The following STAT4 variants were observed in gnomAD, a reference collection of about 807,000 sequenced individuals.
The protein encoded by STAT4 is signal transducer and activator of transcription 4.
A neutral mutation model predicts 110.5 loss-of-function variants in STAT4; 42 were observed. That is an observed-to-expected ratio of 0.38 (90% confidence interval 0.30 to 0.49). The LOEUF (loss-of-function observed/expected upper bound fraction) is 0.49. STAT4 is among the 20% of genes least tolerant of loss of function. STAT4 has a pLI of 0.95. For synonymous variants in STAT4, 284 were observed against 302.2 expected (o/e 0.94, Z 0.63); for missense variants, 632 against 887.9 (o/e 0.71, Z 3.66).
At position 191,135,448 on chromosome 2, in the gene STAT4, A is replaced by G. The variant is rs1418717122; in HGVS notation, c.273+11165T>C. 6.6e-6 allele frequency among the ~76,000 whole-genome samples: 1 copy of G among 151,852 alleles called. No homozygotes were observed. Among genetic ancestry groups the G allele is most frequent in the Admixed American group, 6.6e-5 (1 of 15,258 alleles). Reference sequence around the variant, plus strand: ...CCAGGACTGGATGACTTTACTGTCGAATTCTTTGTTGTTGTTGTTGTTATT... The same window carrying G: ...CCAGGACTGGATGACTTTACTGTCGGATTCTTTGTTGTTGTTGTTGTTATT... On this transcript the variant is annotated intron_variant, in intron 3 of 23. Transcript: ENST00000392320. The surrounding 1 kb of genome is among the most constrained non-coding windows in gnomAD (Gnocchi z 4.8).
chr2:191,054,481 A>G lies in STAT4; in HGVS notation c.1251+9T>C. The G allele has an allele frequency of 6.2e-7, 1 of 1,608,410 alleles. No homozygotes were observed. Among genetic ancestry groups the G allele is most frequent in the Non-Finnish European group, 8.5e-7 (1 of 1,178,292 alleles). ...CCAGAAAAATTCTATAGGAGAAAAC[A>G]TTTCCTACCTCATTTCCTTTACCTC... is the stretch of plus-strand genomic sequence containing the variant. On this transcript the variant is annotated intron_variant, in intron 14 of 23. Coordinates refer to ENST00000392320, the MANE Select transcript of STAT4 (RefSeq NM_003151.4).
At chr2:191,078,594 C>G (rs532468234) in intron 3 of STAT4, among the ~76,000 whole-genome samples, 1 of 152,200 alleles carries the variant, frequency 6.6e-6, no homozygotes, top group African/African-American at 2.4e-5. Context: ...CAAAGACATA[C>G]TCATATTTAC....
rs189268139 is a variant in STAT4, at chr2:191,116,523, C to A, written c.273+30090G>T. Among the ~76,000 whole-genome samples the A allele has an allele frequency of 6.7e-6, 1 of 150,330 alleles. No individual in the cohort carries two copies. The highest frequency in any genetic ancestry group is 2.1e-4 in the South Asian group (1 of 4,740). The stretch of plus-strand genomic sequence containing the variant: ...TTTACAATAAGTTAAAAGGAATAAC[C>A]TTATAGATTTAGAATTTTTTTAAAA... On this transcript the variant is annotated intron_variant, in intron 3 of 23. Transcript: ENST00000392320. The surrounding 1 kb of genome is among the most constrained non-coding windows in gnomAD (Gnocchi z 4.1).
chr2:191,061,617 TG>T lies in STAT4; in HGVS notation c.1034+111del. On this transcript the variant is annotated intron_variant, in intron 10 of 23. Transcript: ENST00000392320. The surrounding 1 kb of genome is among the most constrained non-coding windows in gnomAD (Gnocchi z 6.2). Reference sequence around the variant, plus strand: ...AGCTCAGAGCTGGGCACACAGCAGATGGTTCAATAAAGAACAGCTGAATGCA... The same window carrying T: ...AGCTCAGAGCTGGGCACACAGCAGATGTTCAATAAAGAACAGCTGAATGCA... 1.0e-6 allele frequency: 1 copy of T among 980,838 alleles called. No homozygotes were observed. The highest frequency in any genetic ancestry group is 1.6e-6 in the Non-Finnish European group (1 of 611,446). 60.8% of individuals were successfully genotyped at this position (980,838 alleles called of 1,614,324 possible). A position where few individuals can be genotyped will look rare whatever the true frequency, so the allele number is the denominator to read the frequency against.
upstream of STAT4, chr2:191,151,287 T>A (rs1574208587): frequency 2.0e-6 from 2 of 985,686 alleles, no homozygotes; most frequent in Admixed American, 1.2e-4. The surrounding 1 kb of genome is among the most constrained non-coding windows in gnomAD (Gnocchi z 4.7). Context: ...TACATTTTCT[T>A]CAGTGGTTTC....
intron 3 of STAT4, among the ~76,000 whole-genome samples, chr2:191,136,554 C>T (rs962477199): frequency 6.6e-6 from 1 of 152,206 alleles, no homozygotes; most frequent in African/African-American, 2.4e-5. Context: ...GAGTTCGAGA[C>T]CAGCCTGGTC....
intron 3 of STAT4, among the ~76,000 whole-genome samples, chr2:191,096,250 T>A (rs1237829162): frequency 6.6e-6 from 1 of 152,108 alleles, no homozygotes; most frequent in Non-Finnish European, 1.5e-5. Flanking sequence ...AGAGAGGGAA[T>A]CCTCCCTAAT....
chr2:191,134,669 G>C (rs1699130073), intron 3 of STAT4, among the ~76,000 whole-genome samples: 1 of 152,118 alleles, frequency 6.6e-6, no homozygotes, highest in East Asian at 1.9e-4. Flanking sequence ...ACCCAATCAA[G>C]ATCATAGGAC....
chr2:191,079,424 T>C (rs1049073771), intron 3 of STAT4, among the ~76,000 whole-genome samples: 30 of 152,050 alleles, frequency 2.0e-4, no homozygotes, highest in African/African-American at 6.8e-4. Flanking sequence ...GTAGATGGTA[T>C]TTTTTGATAC....
At chr2:191,064,491 A>C (rs1367248553) in intron 8 of STAT4, among the ~76,000 whole-genome samples, 1 of 152,218 alleles carries the variant, frequency 6.6e-6, no homozygotes, top group African/African-American at 2.4e-5. Flanking sequence ...CAAGATTTTG[A>C]AACTAGTGCT....
In STAT4 at chr2:191,032,726, T is replaced by C. The variant is rs1247956217; in HGVS notation, c.2044+232A>G. The C allele has an allele frequency of 2.1e-6, 1 of 476,878 alleles. No individual in the cohort carries two copies. The highest frequency in any genetic ancestry group is 3.7e-6 in the Non-Finnish European group (1 of 273,120). The allele number at this position is 476,878 out of a possible 1,614,324, so 29.5% of individuals were successfully genotyped here. A position where few individuals can be genotyped will look rare whatever the true frequency, so the allele number is the denominator to read the frequency against. ...CTATGAGAGGCCCCCATGGCCATGG[T>C]GAAGTTTAGTTACAGCTGCTTATTA... On this transcript the variant is annotated intron_variant, in intron 21 of 23. Coordinates refer to ENST00000392320, the MANE Select transcript of STAT4 (RefSeq NM_003151.4). The surrounding 1 kb of genome is among the most constrained non-coding windows in gnomAD (Gnocchi z 4.9).
chr2:191,148,234 T>A, intron 1 of STAT4, 30 bp from the exon 2 acceptor site: 1 of 1,609,256 alleles, frequency 6.2e-7, no homozygotes, highest in Middle Eastern at 1.7e-4. Flanking sequence ...ATTAGAGTTT[T>A]AAAATATTGT....
intron 3 of STAT4, 65 bp from the exon 4 acceptor site, chr2:191,076,390 A>G: frequency 8.4e-7 from 1 of 1,183,530 alleles, no homozygotes; most frequent in Non-Finnish European, 1.2e-6. Flanking sequence ...TCATAAGAAA[A>G]TATCACCTCT....
rs1378492006 is a variant in STAT4, at chr2:191,113,809, ACTC to A, written c.273+32801_273+32803del. Among the ~76,000 whole-genome samples, 2 of 152,200 alleles carry A rather than the reference ACTC, an allele frequency of 1.3e-5. No individual in the cohort carries two copies. Among genetic ancestry groups the A allele is most frequent in the East Asian group, 3.8e-4 (2 of 5,200 alleles). On this transcript the variant is annotated intron_variant, in intron 3 of 23. Transcript: ENST00000392320. This position sits in a 1 kb window ranked among gnomAD's most constrained non-coding sequence, Gnocchi z 4.8. ...AAAGTACACTTTTTGTACAGGGAGTACTCCCAAGAGTAGCAGAGAACATTACAG... is the reference window on the plus strand; with the variant it reads ...AAAGTACACTTTTTGTACAGGGAGTACCAAGAGTAGCAGAGAACATTACAG...
At chr2:191,081,176 CT>C (rs1294778707) in intron 3 of STAT4, among the ~76,000 whole-genome samples, 1 of 152,120 alleles carries the variant, frequency 6.6e-6, no homozygotes, top group Non-Finnish European at 1.5e-5. Context: ...TGAACTCATC[CT>C]TTTTTATGGC....
chr2:191,032,611 C>T lies in STAT4; in HGVS notation c.2044+347G>A, dbSNP rs1695930104. Among the ~76,000 whole-genome samples the T allele has an allele frequency of 1.3e-5, 2 of 152,068 alleles. No individual in the cohort carries two copies. Among genetic ancestry groups the T allele is most frequent in the Admixed American group, 1.3e-4 (2 of 15,260 alleles). The stretch of plus-strand genomic sequence containing the variant: ...ACTATTAAAAGCTTCTCATCATTAC[C>T]CCCTCTTTCTTTTCCTTTCCCTCAG... On this transcript the variant is annotated intron_variant, in intron 21 of 23. Transcript: ENST00000392320. This position sits in a 1 kb window ranked among gnomAD's most constrained non-coding sequence, Gnocchi z 4.9.
chr2:191,058,042 A>C lies in STAT4; in HGVS notation c.1182T>G (p.Ser394Arg). Residue 394 changes from serine to arginine, a missense_variant, in exon 13 of 24, where the codon AGT becomes AGG. Physicochemically the swap from Ser to Arg is moderately radical, Grantham distance 110. Transcript: ENST00000392320. This position sits in a 1 kb window ranked among gnomAD's most constrained non-coding sequence, Gnocchi z 4.3. ...AMSIEESSNG[S>R]LSVEFRHLQP... is the part of the protein sequence containing the mutation. ...CCAAATGTCGAAATTCTACTGAGAG[A>C]CTCCCATTGGAAGATTCTTCAATAG... 6.2e-7 allele frequency: 1 copy of C among 1,613,964 alleles called. No individual in the cohort carries two copies. The highest frequency in any genetic ancestry group is 8.5e-7 in the Non-Finnish European group (1 of 1,179,948).
Position 191,143,302 on chromosome 2 carries a change from C to A in STAT4, c.273+3311G>T, listed in dbSNP as rs868113813. On this transcript the variant is annotated intron_variant, in intron 3 of 23. Coordinates refer to ENST00000392320, the MANE Select transcript of STAT4 (RefSeq NM_003151.4). The surrounding 1 kb of genome is among the most constrained non-coding windows in gnomAD (Gnocchi z 5.6). ...AATTATCTCCATACTCCTAACATTT[C>A]TGTGAGGAAAGTACCAGTGTGATTG... is the stretch of plus-strand genomic sequence containing the variant. Among the ~76,000 whole-genome samples the A allele has an allele frequency of 6.6e-6, 1 of 152,152 alleles. No homozygotes were observed. Among genetic ancestry groups the A allele is most frequent in the Non-Finnish European group, 1.5e-5 (1 of 68,036 alleles).
At chr2:191,111,965 G>T (rs922662889) in intron 3 of STAT4, among the ~76,000 whole-genome samples, 31 of 152,280 alleles carry the variant, frequency 2.0e-4, no homozygotes, top group African/African-American at 6.7e-4. Context: ...GGCTGCCTGG[G>T]GCTGGCAGGC....
Sources: allele counts gnomAD v4.1 joint callset (sites outside exome capture counted in the v4.1 genomes callset), GRCh38; gene constraint gnomAD v4.1.1; non-coding constraint Gnocchi (gnomAD v3.1); transcripts MANE v1.5; gene names NCBI Gene and HGNC (gene_info 2026-07-23, HGNC 2026-07-21).